PLEKHM1: variants seen among roughly 807,000 people sequenced by gnomAD.
The protein encoded by PLEKHM1 is pleckstrin homology domain-containing family M member 1.
A neutral mutation model predicts 94.3 loss-of-function variants in PLEKHM1; 28 were observed. That is an observed-to-expected ratio of 0.30 (90% confidence interval 0.22 to 0.41). The LOEUF is 0.41. Among genes scored for constraint, PLEKHM1 ranks in the 10% least tolerant of loss-of-function variants. The probability of loss-of-function intolerance (pLI) is 1.00; values close to 1 mark genes in which losing one functional copy is unlikely to be tolerated. For synonymous variants in PLEKHM1, 424 were observed against 581.2 expected (o/e 0.73, Z 3.89); for missense variants, 907 against 1,358.6 (o/e 0.67, Z 5.22).
chr17:45,457,917 G>C (rs898328059), intron 6 of PLEKHM1, among the ~76,000 whole-genome samples: 2 of 152,094 alleles, frequency 1.3e-5, no homozygotes, highest in African/African-American at 4.8e-5. Flanking sequence ...TAGTTTTCAG[G>C]GAAAATATTT....
chr17:45,435,113 G>A (rs2050227726), downstream of PLEKHM1, among the ~76,000 whole-genome samples: 1 of 152,102 alleles, frequency 6.6e-6, no homozygotes, highest in Non-Finnish European at 1.5e-5. Context: ...CCCTCTCCCA[G>A]TTTCTCTTCT....
chr17:45,462,313 G>A (rs539532979), intron 5 of PLEKHM1, among the ~76,000 whole-genome samples: 2 of 152,112 alleles, frequency 1.3e-5, no homozygotes, highest in South Asian at 4.2e-4. Flanking sequence ...CACAACACTA[G>A]ATTCTGAGCA....
chr17:45,470,842 T>C (rs2051486479), intron 4 of PLEKHM1, among the ~76,000 whole-genome samples: 1 of 151,490 alleles, frequency 6.6e-6, no homozygotes, highest in African/African-American at 2.4e-5. Flanking sequence ...GTATTGTTTT[T>C]TTTTTAGTAG....
chr17:45,462,701 T>A (rs1006215362), intron 5 of PLEKHM1, among the ~76,000 whole-genome samples: 14 of 152,164 alleles, frequency 9.2e-5, no homozygotes, highest in African/African-American at 3.1e-4. Context: ...AGGGAATAAA[T>A]CATGACCATC....
Position 45,478,033 on chromosome 17 carries a change from C to G in PLEKHM1, c.163G>C (p.Glu55Gln). 6.2e-7 allele frequency: 1 copy of G among 1,614,212 alleles called. No homozygotes were observed. The highest frequency in any genetic ancestry group is 1.3e-5 in the African/African-American group (1 of 75,066). Reference sequence around the variant, plus strand: ...TGCAGGCCATGGATAAATACGGCCTCCAGGGCGCTGCACATGGTGTTGGCA... The same window carrying G: ...TGCAGGCCATGGATAAATACGGCCTGCAGGGCGCTGCACATGGTGTTGGCA... ...GDANTMCSAL[E>Q]AVFIHGLHAK... The change falls in exon 3 of 12, where the codon GAG (glutamate) becomes CAG (glutamine). Residue 55 changes from glutamate to glutamine, a missense_variant. This residue lies in a region of PLEKHM1 where 176 missense variants were observed against 306.0 expected (regional missense o/e 0.58). Transcript: ENST00000430334.
chr17:45,475,233 A>C lies in PLEKHM1; in HGVS notation c.790T>G (p.Cys264Gly), dbSNP rs1330212505. Residue 264 changes from cysteine (C) to glycine (G), a missense_variant, in exon 4 of 12, where the codon TGC becomes GGC. By Grantham distance (159) the Cys-to-Gly change is radical. This residue lies in a region of PLEKHM1 where 477 missense variants were observed against 601.5 expected (regional missense o/e 0.79). Coordinates refer to ENST00000430334, the MANE Select transcript of PLEKHM1 (RefSeq NM_014798.3). ...LDTASSSQLS[C>G]SLNSDSCLLQ... ...AAGCAGCTATCAGAGTTTAGGCTGC[A>C]GGACAGCTGGGATGAACTGGCCGTG... The C allele has an allele frequency of 6.2e-7, 1 of 1,614,030 alleles. No individual in the cohort carries two copies. Among genetic ancestry groups the C allele is most frequent in the African/African-American group, 1.3e-5 (1 of 75,064 alleles).
intron 1 of PLEKHM1, chr17:45,487,762 C>G (rs1444023261): frequency 2.2e-6 from 1 of 455,996 alleles, no homozygotes; most frequent in African/African-American, 2.0e-5. Context: ...GGTTCCACCA[C>G]TCTCAAAACA....
At chr17:45,438,417 A>G (rs1326745736) in intron 11 of PLEKHM1, among the ~76,000 whole-genome samples, 1 of 151,834 alleles carries the variant, frequency 6.6e-6, no homozygotes, top group East Asian at 2.0e-4. Context: ...CTGTAGCCCC[A>G]GCTGCTGGGG....
chr17:45,465,218 G>A (rs2145269373), intron 5 of PLEKHM1, among the ~76,000 whole-genome samples: 1 of 151,816 alleles, frequency 6.6e-6, no homozygotes, highest in Non-Finnish European at 1.5e-5. Context: ...TTCTAGTAAG[G>A]AAGACAGAAA....
At chr17:45,488,803 G>C (rs2052212940) in intron 1 of PLEKHM1, among the ~76,000 whole-genome samples, 2 of 152,288 alleles carry the variant, frequency 1.3e-5, no homozygotes, top group East Asian at 3.9e-4. Flanking sequence ...GCCGGGCATG[G>C]TGGTGTATGC....
intron 4 of PLEKHM1, among the ~76,000 whole-genome samples, chr17:45,470,021 G>A (rs534991595): frequency 5.3e-5 from 8 of 152,106 alleles, no homozygotes; most frequent in East Asian, 3.9e-4. Flanking sequence ...GCAGTGAGCC[G>A]AGATTGTGCC....
intron 3 of PLEKHM1, 36 bp downstream of exon 3, chr17:45,477,864 C>G (rs747011039): frequency 3.7e-6 from 6 of 1,611,318 alleles, no homozygotes; most frequent in Non-Finnish European, 5.1e-6. Context: ...GTCTGCTGCT[C>G]CTCCGCAAAG....
rs550785554 is a variant in PLEKHM1, at chr17:45,478,050, G to T, written c.146C>A (p.Thr49Asn). ...VVTSEDGDAN[T>N]MCSALEAVFI... is the part of the protein sequence containing the mutation. Reference sequence around the variant, plus strand: ...TACGGCCTCCAGGGCGCTGCACATGGTGTTGGCATCTCCGTCTTCACTAGT... The same window carrying T: ...TACGGCCTCCAGGGCGCTGCACATGTTGTTGGCATCTCCGTCTTCACTAGT... Residue 49 changes from threonine to asparagine, a missense_variant, in exon 3 of 12, where the codon ACC (threonine) becomes AAC (asparagine). This residue lies in a region of PLEKHM1 where 176 missense variants were observed against 306.0 expected (regional missense o/e 0.58). Coordinates refer to ENST00000430334, the MANE Select transcript of PLEKHM1 (RefSeq NM_014798.3). The T allele has an allele frequency of 6.2e-7, 1 of 1,614,226 alleles. No homozygotes were observed. Among genetic ancestry groups the T allele is most frequent in the South Asian group, 1.1e-5 (1 of 91,084 alleles).
At chr17:45,470,824 A>G (rs926642302) in intron 4 of PLEKHM1, among the ~76,000 whole-genome samples, 1 of 151,226 alleles carries the variant, frequency 6.6e-6, no homozygotes, top group Admixed American at 6.6e-5. Flanking sequence ...ACGCCCAGCT[A>G]ATTTTTTGTA....
intron 4 of PLEKHM1, among the ~76,000 whole-genome samples, chr17:45,472,405 T>C (rs2051546029): frequency 6.6e-6 from 1 of 152,346 alleles, no homozygotes; most frequent in African/African-American, 2.4e-5. Context: ...ACAGAGAGGA[T>C]GGTCACTGAT....
rs746006436 is a variant in PLEKHM1 at position 45,475,533 on chromosome 17, G to A, written c.490C>T (p.Leu164Phe). 3 of 1,611,676 alleles carry A rather than the reference G, an allele frequency of 1.9e-6. No homozygotes were observed. The highest frequency in any genetic ancestry group is 2.5e-6 in the Non-Finnish European group (3 of 1,177,868). ...GTGAGGCCCTGCAGGAAGCTAAGGA[G>A]GAACTCGCCCTCCTCAGCATCCCGG... ...LLRDAEEGEF[L>F]LSFLQGLTSL... Residue 164 changes from leucine (L) to phenylalanine (F), a missense_variant, in exon 4 of 12, where the codon CTC (leucine) becomes TTC (phenylalanine). By Grantham distance (22) the Leu-to-Phe change is conservative. Around this residue, in one of 3 missense-constraint regions of PLEKHM1, gnomAD observed 176 missense variants for 306.0 expected, o/e 0.58. Coordinates refer to ENST00000430334, the MANE Select transcript of PLEKHM1 (RefSeq NM_014798.3).
chr17:45,453,138 G>A lies in PLEKHM1; in HGVS notation c.2497+217C>T, dbSNP rs1377290000. On this transcript the variant is annotated intron_variant, in intron 7 of 11. Transcript: ENST00000430334. This position sits in a 1 kb window ranked among gnomAD's most constrained non-coding sequence, Gnocchi z 4.1. The stretch of plus-strand genomic sequence containing the variant: ...CAGTGGGAGGTGGCAGGAGAGGGAC[G>A]GGTGAGCAGGGCCCACTGCCTATGA... The A allele has an allele frequency of 1.9e-5, 12 of 621,240 alleles. No homozygotes were observed. Among genetic ancestry groups the A allele is most frequent in the African/African-American group, 7.3e-5 (4 of 54,738 alleles). The allele number at this position is 621,240 out of a possible 1,614,324, so 38.5% of individuals were successfully genotyped here.
chr17:45,475,134 C>A lies in PLEKHM1; in HGVS notation c.889G>T (p.Ala297Ser). The change falls in exon 4 of 12, where the codon GCA becomes TCA. Residue 297 changes from alanine (A) to serine (S), a missense_variant. Around this residue, in one of 3 missense-constraint regions of PLEKHM1, gnomAD observed 477 missense variants for 601.5 expected, o/e 0.79. Transcript: ENST00000430334. ...GACCGGTCTGAGTCCTCAGCATTTG[C>A]TGTGCCCAGGTCTGAGTCACAGGAC... ...PMSCDSDLGT[A>S]NAEDSDRSLQ... is the part of the protein sequence containing the mutation. The A allele has an allele frequency of 1.9e-6, 3 of 1,613,992 alleles. No homozygotes were observed. Among genetic ancestry groups the A allele is most frequent in the Non-Finnish European group, 2.5e-6 (3 of 1,179,858 alleles).
At chr17:45,466,957 T>A (rs1440065773) in intron 5 of PLEKHM1, among the ~76,000 whole-genome samples, 1 of 152,182 alleles carries the variant, frequency 6.6e-6, no homozygotes, top group African/African-American at 2.4e-5. Flanking sequence ...GCTTTCTTCA[T>A]AATAGTCAAA....
Sources: gnomAD v4.1 joint callset for allele counts (sites outside exome capture counted in the v4.1 genomes callset) on GRCh38, gnomAD v4.1.1 for gene constraint, gnomAD v4.1.1 regional missense constraint, Gnocchi (gnomAD v3.1) non-coding constraint, MANE v1.5 for transcripts, NCBI Gene and HGNC (gene_info 2026-07-23, HGNC 2026-07-21) for gene names.